The following TBC1D22B variants were observed in gnomAD, a reference collection of about 807,000 sequenced individuals.
TBC1D22B encodes the protein TBC1 domain family member 22B.
In TBC1D22B, 32 loss-of-function variants were observed where a neutral mutation model predicts 69.1. That is an observed-to-expected ratio of 0.46 (90% CI 0.35 to 0.62). The LOEUF (loss-of-function observed/expected upper bound fraction) is 0.62, where lower values mean the gene tolerates loss of function less well. Ranked by LOEUF, TBC1D22B falls within the 20% of genes least tolerant of loss-of-function variation. TBC1D22B has a pLI of 0.00. For missense variants in TBC1D22B, 462 were observed against 630.9 expected (o/e 0.73, Z 2.87); for synonymous variants, 206 against 229.8 (o/e 0.90, Z 0.94).
intron 12 of TBC1D22B, among the ~76,000 whole-genome samples, chr6:37,328,429 A>G (rs1358140979): frequency 6.6e-6 from 1 of 152,272 alleles, no homozygotes; most frequent in Non-Finnish European, 1.5e-5. Flanking sequence ...AAAGATGTTC[A>G]TTATAATTTT....
intron 10 of TBC1D22B, among the ~76,000 whole-genome samples, chr6:37,316,262 C>T (rs1300138666): frequency 2.0e-5 from 3 of 152,182 alleles, no homozygotes; most frequent in African/African-American, 7.2e-5. Flanking sequence ...CTTTCGCTGG[C>T]AGTGTTCACA....
chr6:37,288,225 ACAT>A (rs1464932219), intron 7 of TBC1D22B, among the ~76,000 whole-genome samples: 2 of 152,216 alleles, frequency 1.3e-5, no homozygotes, highest in African/African-American at 2.4e-5. Context: ...TTTGAAGGTA[ACAT>A]CATTATTTTA....
intron 2 of TBC1D22B, among the ~76,000 whole-genome samples, chr6:37,278,324 T>C (rs1456572367): frequency 2.6e-5 from 4 of 152,168 alleles, no homozygotes; most frequent in Non-Finnish European, 5.9e-5. Flanking sequence ...GAAGAACTTT[T>C]AACAGAATAA....
intron 1 of TBC1D22B, among the ~76,000 whole-genome samples, chr6:37,268,348 C>T (rs1766371419): frequency 6.6e-6 from 1 of 152,098 alleles, no homozygotes. Flanking sequence ...CCCGTCTCAG[C>T]CTCCCAAGTA....
At chr6:37,319,875 G>T (rs1461945296) in intron 12 of TBC1D22B, among the ~76,000 whole-genome samples, 1 of 152,222 alleles carries the variant, frequency 6.6e-6, no homozygotes, top group Admixed American at 6.5e-5. Context: ...GTTGTGAACT[G>T]TTGGGTGTGA....
At chr6:37,262,077 C>T (rs1215544465) in intron 1 of TBC1D22B, among the ~76,000 whole-genome samples, 3 of 142,632 alleles carry the variant, frequency 2.1e-5, no homozygotes, top group Non-Finnish European at 3.0e-5. Context: ...GTTGCCCAGG[C>T]TGGAGTGCAG....
At chr6:37,303,696 C>T (rs1767630257) in intron 8 of TBC1D22B, among the ~76,000 whole-genome samples, 2 of 152,198 alleles carry the variant, frequency 1.3e-5, no homozygotes, top group Admixed American at 6.5e-5. Flanking sequence ...CCCTTAAACT[C>T]AACAATCCAA....
chr6:37,286,561 C>T (rs1436120761), intron 6 of TBC1D22B, among the ~76,000 whole-genome samples: 1 of 151,876 alleles, frequency 6.6e-6, no homozygotes, highest in African/African-American at 2.4e-5. Context: ...ATGATCCGCC[C>T]GGCTTGGCCT....
In TBC1D22B at chr6:37,279,628, C is replaced by G. The variant is rs368974222; in HGVS notation, c.421+17C>G. 12 of 1,583,260 alleles carry G rather than the reference C, an allele frequency of 7.6e-6. No individual in the cohort carries two copies. The African/African-American group carries it at 1.6e-4, about 22-fold the overall frequency. The stretch of plus-strand genomic sequence containing the variant: ...GAAACTCTAGTAAGTCCTTCCTGCT[C>G]CCTTCATAGCCTCAGCCTTCTCAGC... On this transcript the variant is annotated intron_variant, in intron 3 of 12. Transcript: ENST00000373491.
intron 11 of TBC1D22B, 76 bp downstream of exon 11, chr6:37,316,906 A>G: frequency 6.2e-6 from 10 of 1,602,850 alleles, no homozygotes; most frequent in Non-Finnish European, 7.7e-6. Context: ...TGTGGAATGT[A>G]GCTGCTTAGA....
chr6:37,330,962 A>C, intron 12 of TBC1D22B, 82 bp from the exon 13 acceptor site: 1 of 1,503,518 alleles, frequency 6.7e-7, no homozygotes. Flanking sequence ...GCCCCATTCT[A>C]GGCCTTGGTC....
At chr6:37,310,572 G>A (rs929359997) in intron 8 of TBC1D22B, among the ~76,000 whole-genome samples, 2 of 152,196 alleles carry the variant, frequency 1.3e-5, no homozygotes, top group Non-Finnish European at 2.9e-5. Flanking sequence ...GGAGGCTGAG[G>A]CAGGAGAATT....
chr6:37,267,127 A>G (rs956178024), intron 1 of TBC1D22B, among the ~76,000 whole-genome samples: 3 of 150,640 alleles, frequency 2.0e-5, no homozygotes. Flanking sequence ...TGTAGGTACA[A>G]GGTCTTGCTA....
chr6:37,328,369 T>C (rs1562071649), intron 12 of TBC1D22B, among the ~76,000 whole-genome samples: 1 of 152,190 alleles, frequency 6.6e-6, no homozygotes, highest in Non-Finnish European at 1.5e-5. Context: ...AGTAATTTCA[T>C]TTCTAGGAAT....
intron 12 of TBC1D22B, among the ~76,000 whole-genome samples, chr6:37,327,375 G>T (rs1293939276): frequency 7.6e-6 from 1 of 130,826 alleles, no homozygotes; most frequent in African/African-American, 3.2e-5. Flanking sequence ...CTGCTCGGGA[G>T]GCTGAGGCAG....
intron 1 of TBC1D22B, 144 bp from the exon 2 acceptor site, chr6:37,269,450 C>G: frequency 1.4e-6 from 1 of 740,528 alleles, no homozygotes; most frequent in Non-Finnish European, 2.3e-6. Context: ...AGATTGCTCT[C>G]TTTGGGGGAT....
Position 37,331,297 on chromosome 6 carries a change from GC to G in TBC1D22B, c.*128del. The G allele has an allele frequency of 1.0e-6, 1 of 963,604 alleles. No homozygotes were observed. The highest frequency in any genetic ancestry group is 1.6e-6 in the Non-Finnish European group (1 of 629,960). The allele number at this position is 963,604 out of a possible 1,614,324, so 59.7% of individuals were successfully genotyped here. ...CTGTTGTACAAAGCTCACACCCACC[GC>G]CCAGGTCTTAACTTTCTGGCATCCA... On this transcript the variant is annotated 3_prime_UTR_variant, in exon 13 of 13. Transcript: ENST00000373491.
At chr6:37,299,010 A>G (rs1005255359) in intron 8 of TBC1D22B, among the ~76,000 whole-genome samples, 13 of 152,334 alleles carry the variant, frequency 8.5e-5, no homozygotes, top group African/African-American at 3.1e-4. Context: ...TTATAATCCA[A>G]AAATGTTTAT....
At chr6:37,271,937 A>G (rs1766499451) in intron 2 of TBC1D22B, among the ~76,000 whole-genome samples, 1 of 150,962 alleles carries the variant, frequency 6.6e-6, no homozygotes, top group Admixed American at 6.6e-5. Context: ...TACTGTACCC[A>G]TAGCCTCTAG....
Sources: gnomAD v4.1 joint callset for allele counts (sites outside exome capture counted in the v4.1 genomes callset) on GRCh38, gnomAD v4.1.1 for gene constraint, MANE v1.5 for transcripts, NCBI Gene and HGNC (gene_info 2026-07-23, HGNC 2026-07-21) for gene names.